STX6: variants seen among roughly 807,000 people sequenced by gnomAD.
STX6 encodes syntaxin 6, also known as syntaxin-6.
STX6 carries 23 observed loss-of-function variants against 38.0 expected under a neutral mutation model. The ratio of observed to expected loss-of-function variants is 0.60; its 90% CI spans 0.43 to 0.86. The LOEUF is 0.86. STX6 is among the 40% of genes least tolerant of loss of function. The pLI is 0.00. For missense variants in STX6, 274 were observed against 312.9 expected (o/e 0.88, Z 0.94); for synonymous variants, 123 against 107.5 (o/e 1.14, Z -0.89).
At chr1:181,011,574 A>G (rs933405043) in intron 1 of STX6, among the ~76,000 whole-genome samples, 2 of 152,232 alleles carry the variant, frequency 1.3e-5, no homozygotes, top group Non-Finnish European at 2.9e-5. Context: ...TCAATCCAGA[A>G]CCACTTGTAA....
intron 7 of STX6, among the ~76,000 whole-genome samples, chr1:180,983,745 A>G (rs182633487): frequency 1.3e-5 from 2 of 152,154 alleles, no homozygotes; most frequent in East Asian, 3.9e-4. Flanking sequence ...AGTAAAATAA[A>G]GAAGGATTTT....
intron 1 of STX6, among the ~76,000 whole-genome samples, chr1:181,015,475 A>G (rs1046094027): frequency 1.1e-4 from 16 of 152,140 alleles, no homozygotes; most frequent in African/African-American, 3.4e-4. Context: ...ACCTCTACTT[A>G]AATCCAATCA....
chr1:181,010,200 A>C (rs1174518629), intron 1 of STX6, among the ~76,000 whole-genome samples: 1 of 152,214 alleles, frequency 6.6e-6, no homozygotes, highest in East Asian at 1.9e-4. Context: ...TACACCAAAA[A>C]GGTTGCTTTT....
At chr1:181,008,031 T>A (rs1004283438) in intron 1 of STX6, among the ~76,000 whole-genome samples, 1 of 152,210 alleles carries the variant, frequency 6.6e-6, no homozygotes. Context: ...GATACATACT[T>A]GGAAAAGGGA....
At chr1:181,002,961 T>C (rs1238095257) in intron 2 of STX6, among the ~76,000 whole-genome samples, 1 of 152,238 alleles carries the variant, frequency 6.6e-6, no homozygotes, top group Non-Finnish European at 1.5e-5. Flanking sequence ...CACTTAGGGC[T>C]ATCTGACCAC....
chr1:181,008,727 G>GTTTTTTTTTT (rs55654509), intron 1 of STX6, among the ~76,000 whole-genome samples: 1 of 108,708 alleles, frequency 9.2e-6, no homozygotes, highest in African/African-American at 3.5e-5. Flanking sequence ...TTCCAAAATT[G>GTTTTTTTTTT]TTTTTTTTTT....
chr1:180,979,103 G>A (rs1655334300), intron 7 of STX6, among the ~76,000 whole-genome samples: 1 of 152,072 alleles, frequency 6.6e-6, no homozygotes, highest in Non-Finnish European at 1.5e-5. Context: ...CAGAGACATG[G>A]AAATTCTAGA....
At position 180,993,353 on chromosome 1, in the gene STX6, G is replaced by A; in HGVS notation, c.363+10C>T. ...CTGTCATTGATAATTATATTCTGAT[G>A]TTTTCTCACCTGTCTATTTTTTCTT... On this transcript the variant is annotated intron_variant, in intron 4 of 7. Coordinates refer to ENST00000258301, the MANE Select transcript of STX6 (RefSeq NM_005819.6). 1 of 1,485,748 alleles carries A rather than the reference G, an allele frequency of 6.7e-7. No homozygotes were observed. Among genetic ancestry groups the A allele is most frequent in the Non-Finnish European group, 9.4e-7 (1 of 1,065,552 alleles). 92.0% of individuals were successfully genotyped at this position (1,485,748 alleles called of 1,614,324 possible). A position where few individuals can be genotyped will look rare whatever the true frequency, so the allele number is the denominator to read the frequency against.
intron 6 of STX6, chr1:180,987,810 AAAC>A (rs1260452811): frequency 2.6e-5 from 4 of 152,046 alleles, no homozygotes; most frequent in South Asian, 2.1e-4. Flanking sequence ...TAAAAAAAAA[AAAC>A]AAAGTTACAA....
At chr1:181,017,400 C>A (rs1656594176) in intron 1 of STX6, among the ~76,000 whole-genome samples, 1 of 150,780 alleles carries the variant, frequency 6.6e-6, no homozygotes, top group Non-Finnish European at 1.5e-5. Context: ...CTCAAAAAAA[C>A]AAACAAACAA....
intron 3 of STX6, 27 bp downstream of exon 3, chr1:181,002,579 A>C: frequency 6.5e-7 from 1 of 1,527,230 alleles, no homozygotes; most frequent in African/African-American, 1.4e-5. Flanking sequence ...TCTTATACAG[A>C]TAACACAATA....
chr1:180,978,367 G>A (rs780966574), intron 7 of STX6, among the ~76,000 whole-genome samples: 13 of 152,176 alleles, frequency 8.5e-5, no homozygotes, highest in Non-Finnish European at 1.8e-4. Flanking sequence ...AACTCCATAG[G>A]AACCAGTGTT....
chr1:180,979,832 A>G (rs1558085943), intron 7 of STX6, among the ~76,000 whole-genome samples: 1 of 147,756 alleles, frequency 6.8e-6, no homozygotes, highest in Non-Finnish European at 1.5e-5. Flanking sequence ...TATTATACAA[A>G]GAATTTTTAA....
intron 7 of STX6, among the ~76,000 whole-genome samples, chr1:180,980,099 T>G (rs1655360752): frequency 6.7e-6 from 1 of 149,708 alleles, no homozygotes; most frequent in Non-Finnish European, 1.5e-5. Context: ...CCCAGCTACT[T>G]GAAAGGCTGA....
intron 3 of STX6, among the ~76,000 whole-genome samples, chr1:180,998,742 A>C (rs1655987982): frequency 6.6e-6 from 1 of 152,248 alleles, no homozygotes; most frequent in Non-Finnish European, 1.5e-5. Context: ...ATACCACACA[A>C]CACCTTCATA....
intron 3 of STX6, among the ~76,000 whole-genome samples, chr1:180,994,889 G>A (rs1300082086): frequency 6.6e-6 from 1 of 151,784 alleles, no homozygotes; most frequent in Non-Finnish European, 1.5e-5. Flanking sequence ...TGATCATTAC[G>A]CATTATATAC....
At chr1:181,001,818 G>C (rs1004749531) in intron 3 of STX6, among the ~76,000 whole-genome samples, 2 of 152,214 alleles carry the variant, frequency 1.3e-5, no homozygotes, top group Admixed American at 1.3e-4. Context: ...TAATCATTCA[G>C]GATGACACCA....
rs374386702 is a variant in STX6, at chr1:181,005,579, C to T, written c.36-116G>A. On this transcript the variant is annotated intron_variant, in intron 1 of 7. Coordinates refer to ENST00000258301, the MANE Select transcript of STX6 (RefSeq NM_005819.6). ...CACCATCCTCAGCAACCACCATTCC[C>T]ACAGAAGGCTCTTCACAGACAAATA... The T allele has an allele frequency of 4.9e-5, 45 of 923,818 alleles. No homozygotes were observed. The East Asian group carries it at 8.4e-4, about 17-fold the overall frequency. 57.2% of individuals were successfully genotyped at this position (923,818 alleles called of 1,614,324 possible). A position where few individuals can be genotyped will look rare whatever the true frequency, so the allele number is the denominator to read the frequency against.
At chr1:180,978,613 A>G (rs1357315485) in intron 7 of STX6, among the ~76,000 whole-genome samples, 1 of 152,228 alleles carries the variant, frequency 6.6e-6, no homozygotes, top group Non-Finnish European at 1.5e-5. Flanking sequence ...AATACTCCAG[A>G]GCACTCTGTT....
Sources: allele counts gnomAD v4.1 joint callset (sites outside exome capture counted in the v4.1 genomes callset), GRCh38; gene constraint gnomAD v4.1.1; transcripts MANE v1.5; gene names NCBI Gene and HGNC (gene_info 2026-07-23, HGNC 2026-07-21).